The following DACH2 variants were observed in gnomAD, a reference collection of about 807,000 sequenced individuals.
DACH2 encodes dachshund homolog 2.
A neutral mutation model predicts 35.8 loss-of-function variants in DACH2; 17 were observed. That is an observed-to-expected ratio of 0.48 (90% CI 0.33 to 0.71). The LOEUF is 0.71. Ranked by LOEUF, DACH2 falls within the 30% of genes least tolerant of loss-of-function variation. DACH2 has a pLI of 0.02. For missense variants in DACH2, 469 were observed against 472.7 expected (o/e 0.99, Z 0.07); for synonymous variants, 195 against 177.3 (o/e 1.10, Z -0.79).
chrX:86,379,427 C>G (rs946041746), intron 2 of DACH2, among the ~76,000 whole-genome samples: 8 of 109,135 alleles, frequency 7.3e-5, no homozygotes, highest in Non-Finnish European at 1.2e-4. Flanking sequence ...CTGTATGCCC[C>G]TTTCATCACT....
At chrX:86,153,794 T>C (rs1333537147) in intron 1 of DACH2, among the ~76,000 whole-genome samples, 1 of 111,727 alleles carries the variant, frequency 9.0e-6, no homozygotes, top group African/African-American at 3.2e-5. Context: ...ATGTTTACAT[T>C]CATTTTAAAT....
At chrX:86,330,222 T>C (rs954689931) in intron 1 of DACH2, among the ~76,000 whole-genome samples, 1 of 111,326 alleles carries the variant, frequency 9.0e-6, no homozygotes, top group Non-Finnish European at 1.9e-5. Context: ...ATCATCAAAA[T>C]CTTATTTTTT....
At chrX:86,225,984 A>G (rs2032815281) in intron 1 of DACH2, among the ~76,000 whole-genome samples, 1 of 111,372 alleles carries the variant, frequency 9.0e-6, no homozygotes, top group Non-Finnish European at 1.9e-5. Context: ...AATTGTTTTA[A>G]CTGATGAGTA....
At chrX:86,387,214 G>T (rs1476831624) in intron 2 of DACH2, among the ~76,000 whole-genome samples, 1 of 111,357 alleles carries the variant, frequency 9.0e-6, no homozygotes, top group Non-Finnish European at 1.9e-5. Context: ...CTCAGAGAGG[G>T]TTTGGGGTCA....
At chrX:86,355,274 A>G (rs1487810686) in intron 1 of DACH2, among the ~76,000 whole-genome samples, 1 of 111,908 alleles carries the variant, frequency 8.9e-6, no homozygotes, top group African/African-American at 3.2e-5. Flanking sequence ...CATGGTGTCC[A>G]TACATATACA....
At chrX:86,178,326 T>G (rs1018168721) in intron 1 of DACH2, among the ~76,000 whole-genome samples, 1 of 111,488 alleles carries the variant, frequency 9.0e-6, no homozygotes, top group Non-Finnish European at 1.9e-5. Flanking sequence ...TCTCTTTTTT[T>G]GTATAAATTG....
chrX:86,257,434 A>G (rs2033542249), intron 1 of DACH2, among the ~76,000 whole-genome samples: 1 of 111,219 alleles, frequency 9.0e-6, no homozygotes, highest in Non-Finnish European at 1.9e-5. Flanking sequence ...AGTGAGATAT[A>G]TTGAACCAAT....
intron 9 of DACH2, among the ~76,000 whole-genome samples, chrX:86,814,420 C>T (rs1398040735): frequency 9.0e-6 from 1 of 111,518 alleles, no homozygotes; most frequent in Non-Finnish European, 1.9e-5. Flanking sequence ...CCACTACCAC[C>T]ATCATACAAA....
At chrX:86,334,272 G>A (rs1238148845) in intron 1 of DACH2, among the ~76,000 whole-genome samples, 2 of 112,057 alleles carry the variant, frequency 1.8e-5, no homozygotes, top group Non-Finnish European at 3.8e-5. Context: ...TCTACACCCA[G>A]TAATGGGATT....
chrX:86,678,726 T>C (rs1468897719), intron 4 of DACH2, among the ~76,000 whole-genome samples: 1 of 111,276 alleles, frequency 9.0e-6, no homozygotes, highest in East Asian at 2.8e-4. Flanking sequence ...TAAAAAAAAA[T>C]AGGCTGCTTT....
At chrX:86,583,553 T>C (rs772630676) in intron 3 of DACH2, among the ~76,000 whole-genome samples, 1 of 110,689 alleles carries the variant, frequency 9.0e-6, no homozygotes, top group Admixed American at 9.7e-5. Flanking sequence ...TAAATTTTTT[T>C]AATTTTATTA....
intron 2 of DACH2, among the ~76,000 whole-genome samples, chrX:86,468,908 T>C (rs989755859): frequency 3.3e-4 from 37 of 111,703 alleles, no homozygotes; most frequent in African/African-American, 1.1e-3. Flanking sequence ...CACTCCCAAG[T>C]TCATTGTAGC....
chrX:86,212,691 T>G (rs1195708816), intron 1 of DACH2, among the ~76,000 whole-genome samples: 1 of 111,471 alleles, frequency 9.0e-6, no homozygotes, highest in Non-Finnish European at 1.9e-5. Context: ...ATAAACTACA[T>G]GTAAATTTTT....
intron 1 of DACH2, among the ~76,000 whole-genome samples, chrX:86,224,454 G>A (rs964569948): frequency 7.2e-5 from 8 of 111,109 alleles, no homozygotes; most frequent in African/African-American, 1.3e-4. Flanking sequence ...CTTCCACACT[G>A]AATCGTAACA....
At chrX:86,237,455 G>A (rs934779839) in intron 1 of DACH2, among the ~76,000 whole-genome samples, 9 of 111,285 alleles carry the variant, frequency 8.1e-5, no homozygotes, top group Admixed American at 1.9e-4. Flanking sequence ...CCACAAACAC[G>A]TGAGTAATGT....
intron 7 of DACH2, among the ~76,000 whole-genome samples, chrX:86,801,396 C>T (rs2042293016): frequency 9.0e-6 from 1 of 110,924 alleles, no homozygotes; most frequent in African/African-American, 3.3e-5. Flanking sequence ...GTACCAAGCC[C>T]ATTGCCTCCA....
chrX:86,310,632 G>T (rs758153241), intron 1 of DACH2, among the ~76,000 whole-genome samples: 1 of 112,081 alleles, frequency 8.9e-6, no homozygotes, highest in East Asian at 2.8e-4. Context: ...GAAATGGCCA[G>T]ATATGCGATT....
chrX:86,675,245 T>C (rs2040812736), intron 4 of DACH2, among the ~76,000 whole-genome samples: 1 of 111,617 alleles, frequency 9.0e-6, no homozygotes, highest in East Asian at 2.8e-4. Context: ...CTCAACTTAA[T>C]AATTGTACAA....
At chrX:86,383,478 G>A (rs962595279) in intron 2 of DACH2, among the ~76,000 whole-genome samples, 1 of 104,153 alleles carries the variant, frequency 9.6e-6, no homozygotes, top group Non-Finnish European at 2.0e-5. Context: ...TAGTCTGAAC[G>A]AAGCCTTGGC....
Sources: gnomAD v4.1 joint callset for allele counts (sites outside exome capture counted in the v4.1 genomes callset) on GRCh38, gnomAD v4.1.1 for gene constraint, MANE v1.5 for transcripts, NCBI Gene and HGNC (gene_info 2026-07-23, HGNC 2026-07-21) for gene names.